Variants in APBB2 observed in about 807,000 individuals in gnomAD.
APBB2 encodes amyloid beta precursor protein binding family B member 2.
APBB2 carries 38 observed loss-of-function variants against 82.5 expected under a neutral mutation model. The observed-to-expected ratio is 0.46, with a 90% CI of 0.36 to 0.60. The LOEUF is 0.60. Among genes scored for constraint, APBB2 ranks in the 20% least tolerant of loss-of-function variants. APBB2 has a pLI of 0.00. For synonymous variants in APBB2, 341 were observed against 368.2 expected, an observed-to-expected ratio of 0.93 and a Z score of 0.85; for missense variants, 772 against 972.3, an observed-to-expected ratio of 0.79 and a Z score of 2.74.
chr4:40,880,881 T>C, intron 12 of APBB2: 10 of 984,980 alleles, frequency 1.0e-5, no homozygotes, highest in Non-Finnish European at 1.2e-5. Flanking sequence ...GTTACCAAAA[T>C]GGACGAGGTA....
At chr4:40,876,547 T>C (rs761182702) in intron 12 of APBB2, among the ~76,000 whole-genome samples, 2 of 152,348 alleles carry the variant, frequency 1.3e-5, no homozygotes, top group South Asian at 4.1e-4. Flanking sequence ...GCTTGGTGTC[T>C]GCAGGGAATT....
At chr4:40,936,602 C>T (rs1008872173) in intron 7 of APBB2, among the ~76,000 whole-genome samples, 1 of 152,212 alleles carries the variant, frequency 6.6e-6, no homozygotes, top group South Asian at 2.1e-4. Context: ...AGAGCAAAGA[C>T]ACTTCAAATT....
intron 1 of APBB2, among the ~76,000 whole-genome samples, chr4:41,183,678 C>T (rs934204390): frequency 1.3e-5 from 2 of 151,846 alleles, no homozygotes; most frequent in Non-Finnish European, 1.5e-5. Flanking sequence ...TCATGATCTT[C>T]AGAAGGAACC....
At chr4:40,969,329 A>G (rs1489535872) in intron 6 of APBB2, among the ~76,000 whole-genome samples, 2 of 152,246 alleles carry the variant, frequency 1.3e-5, no homozygotes, top group African/African-American at 4.8e-5. Flanking sequence ...GCTTTTAAGA[A>G]GAAAATCTAA....
At chr4:41,182,912 A>G (rs1771820422) in intron 1 of APBB2, among the ~76,000 whole-genome samples, 1 of 152,172 alleles carries the variant, frequency 6.6e-6, no homozygotes, top group Non-Finnish European at 1.5e-5. Context: ...GGGGAATACA[A>G]TTCAAGATGA....
chr4:40,907,379 A>ATTTTTTTTT lies in APBB2; in HGVS notation c.1255-13977_1255-13969dup, dbSNP rs55814804. On this transcript the variant is annotated intron_variant, in intron 10 of 17. Coordinates refer to ENST00000508593, the MANE Select transcript of APBB2 (RefSeq NM_004307.2). ...TATATATATATATATATATATATAT[A>ATTTTTTTTT]TTTTTTTTTTTTTTTTTTTTTAGAC... is the stretch of plus-strand genomic sequence containing the variant. 4.3e-4 allele frequency among the ~76,000 whole-genome samples: 16 copies of ATTTTTTTTT among 37,398 alleles called. 1 individual carries two copies. Among genetic ancestry groups the ATTTTTTTTT allele is most frequent in the African/African-American group, 2.0e-3 (16 of 8,028 alleles). 24.5% of individuals were successfully genotyped at this position (37,398 alleles called of 152,430 possible).
chr4:40,937,177 G>T (rs986438508), intron 7 of APBB2, among the ~76,000 whole-genome samples: 3 of 152,122 alleles, frequency 2.0e-5, no homozygotes, highest in African/African-American at 7.2e-5. Context: ...TGATGAATTA[G>T]GAAGACCCAA....
intron 12 of APBB2, among the ~76,000 whole-genome samples, chr4:40,844,064 G>A (rs1756767689): frequency 6.6e-6 from 1 of 152,200 alleles, no homozygotes; most frequent in African/African-American, 2.4e-5. Context: ...AGAGGAACAG[G>A]GAACATTCCT....
In APBB2 at chr4:40,844,104, G is replaced by A. The variant is rs149804231; in HGVS notation, c.1530-13527C>T. Among the ~76,000 whole-genome samples the A allele has an allele frequency of 2.9e-4, 44 of 152,332 alleles. 1 individual carries two copies. The highest frequency in any genetic ancestry group is 9.9e-4 in the African/African-American group (41 of 41,574). ...TTTGGTGAACTTTTGTAGGGAAAGA[G>A]GTGGCTAAAAATTCCTAAGAGGATC... On this transcript the variant is annotated intron_variant, in intron 12 of 17. Transcript: ENST00000508593.
intron 17 of APBB2, 97 bp downstream of exon 17, chr4:40,821,774 C>CT: frequency 7.0e-7 from 1 of 1,434,368 alleles, no homozygotes; most frequent in South Asian, 1.3e-5. Flanking sequence ...AGGGATTCGA[C>CT]TTTTTTCATT....
chr4:40,884,902 A>C (rs1769780430), intron 12 of APBB2, among the ~76,000 whole-genome samples: 1 of 152,246 alleles, frequency 6.6e-6, no homozygotes, highest in Non-Finnish European at 1.5e-5. Context: ...CTGAGATCAT[A>C]ATCAGATAGA....
Position 40,811,155 on chromosome 4 carries a change from G to A in APBB2, c.*4937C>T, listed in dbSNP as rs1267485652. The A allele has an allele frequency of 6.6e-6, 1 of 152,164 alleles. No homozygotes were observed. The highest frequency in any genetic ancestry group is 2.4e-5 in the African/African-American group (1 of 41,428). The allele number at this position is 152,164 out of a possible 1,614,324, so 9.4% of individuals were successfully genotyped here. A position where few individuals can be genotyped will look rare whatever the true frequency, so the allele number is the denominator to read the frequency against. ...ATTTTTCTCTTTAGAAGTATATGAA[G>A]ATTCTGAATTAAACCATTCATTAAT... is the stretch of plus-strand genomic sequence containing the variant. On this transcript the variant is annotated 3_prime_UTR_variant, in exon 18 of 18. Coordinates refer to ENST00000508593, the MANE Select transcript of APBB2 (RefSeq NM_004307.2).
intron 2 of APBB2, among the ~76,000 whole-genome samples, chr4:41,107,921 G>C (rs1409757410): frequency 6.6e-6 from 1 of 152,170 alleles, no homozygotes; most frequent in East Asian, 1.9e-4. Context: ...ATCCTGGATT[G>C]GGAGGCGGGT....
intron 3 of APBB2, among the ~76,000 whole-genome samples, chr4:41,074,866 A>T (rs1360764907): frequency 6.6e-6 from 1 of 152,190 alleles, no homozygotes; most frequent in Non-Finnish European, 1.5e-5. Flanking sequence ...AAATTAGATC[A>T]GGCCCAGCAT....
At chr4:41,020,670 T>G (rs1459278374) in intron 5 of APBB2, among the ~76,000 whole-genome samples, 2 of 152,246 alleles carry the variant, frequency 1.3e-5, no homozygotes. Context: ...TACAACGTTT[T>G]CAACAAAAGT....
At chr4:40,856,494 T>C (rs1286606131) in intron 12 of APBB2, among the ~76,000 whole-genome samples, 1 of 152,242 alleles carries the variant, frequency 6.6e-6, no homozygotes, top group Admixed American at 6.5e-5. Flanking sequence ...TCCTAAATCG[T>C]GTAACTAAAA....
rs6840735 is a variant in APBB2, at chr4:41,213,978, G to A, written c.-417+427C>T. 2.0e-3 allele frequency among the ~76,000 whole-genome samples: 310 copies of A among 152,322 alleles called. 1 individual carries two copies. Among genetic ancestry groups the A allele is most frequent in the African/African-American group, 7.1e-3 (294 of 41,576 alleles). ...GGGGGTGTGCGCTCTTCCCGCAGGC[G>A]CCCACCCTCACTTTTCCCCTCTGCA... is the stretch of plus-strand genomic sequence containing the variant. On this transcript the variant is annotated intron_variant, in intron 1 of 17. Transcript: ENST00000508593.
At chr4:41,125,398 A>G (rs1159497503) in intron 2 of APBB2, among the ~76,000 whole-genome samples, 2 of 152,200 alleles carry the variant, frequency 1.3e-5, no homozygotes, top group Non-Finnish European at 2.9e-5. Flanking sequence ...AGAGAATGAG[A>G]GTACTTCACT....
intron 6 of APBB2, among the ~76,000 whole-genome samples, chr4:40,966,436 GC>G (rs1178282939): frequency 1.3e-5 from 2 of 152,196 alleles, no homozygotes; most frequent in East Asian, 3.9e-4. Context: ...GGTGAATGCT[GC>G]CCCACCTTCC....
Sources: allele counts gnomAD v4.1 joint callset (sites outside exome capture counted in the v4.1 genomes callset), GRCh38; gene constraint gnomAD v4.1.1; transcripts MANE v1.5; gene names NCBI Gene and HGNC (gene_info 2026-07-23, HGNC 2026-07-21).